The following CACNA1D variants were observed in gnomAD, a reference collection of about 807,000 sequenced individuals.
CACNA1D encodes the protein voltage-dependent L-type calcium channel subunit alpha-1D.
A neutral mutation model predicts 257.1 loss-of-function variants in CACNA1D; 55 were observed. The ratio of observed to expected loss-of-function variants is 0.21; its 90% CI spans 0.17 to 0.27. CACNA1D has a LOEUF of 0.27. CACNA1D is among the 10% of genes least tolerant of loss of function. The probability of loss-of-function intolerance (pLI) is 1.00; values close to 1 mark genes in which losing one functional copy is unlikely to be tolerated. For synonymous variants in CACNA1D, 980 were observed against 1,014.9 expected, an observed-to-expected ratio of 0.97 and a Z score of 0.65; for missense variants, 1,876 against 2,784.0, an observed-to-expected ratio of 0.67 and a Z score of 7.34.
At chr3:53,759,714 G>A (rs552203857) in intron 29 of CACNA1D, among the ~76,000 whole-genome samples, 3 of 152,374 alleles carry the variant, frequency 2.0e-5, no homozygotes, top group African/African-American at 7.2e-5. Flanking sequence ...TCAGAGAACT[G>A]CTTGTTATCC....
At chr3:53,543,050 C>T (rs2092334585) in intron 3 of CACNA1D, among the ~76,000 whole-genome samples, 1 of 141,914 alleles carries the variant, frequency 7.0e-6, no homozygotes, top group Non-Finnish European at 1.5e-5. Flanking sequence ...GAAACTCCGA[C>T]TACATGTACC....
chr3:53,809,874 C>G, intron 46 of CACNA1D, 104 bp from the exon 47 acceptor site: 3 of 1,013,286 alleles, frequency 3.0e-6, no homozygotes, highest in Non-Finnish European at 4.7e-6. Flanking sequence ...CTTGCCTGGA[C>G]TGCCCCTGGC....
At position 53,774,410 on chromosome 3, in the gene CACNA1D, C is replaced by A. The variant is rs979944620; in HGVS notation, c.4111-177C>A. 34 of 619,576 alleles carry A rather than the reference C, an allele frequency of 5.5e-5. No homozygotes were observed. Among genetic ancestry groups the A allele is most frequent in the African/African-American group, 1.8e-5 (1 of 54,722 alleles). The allele number at this position is 619,576 out of a possible 1,614,324, so 38.4% of individuals were successfully genotyped here. Reference sequence around the variant, plus strand: ...GGAGCACCACGTTCCCAGTGTGTAACCTGCTGCCTGGCACATGGTTGTGCC... The same window carrying A: ...GGAGCACCACGTTCCCAGTGTGTAAACTGCTGCCTGGCACATGGTTGTGCC... On this transcript the variant is annotated intron_variant, in intron 33 of 47. Coordinates refer to ENST00000350061, the MANE Select transcript of CACNA1D (RefSeq NM_001128840.3). This position sits in a 1 kb window ranked among gnomAD's most constrained non-coding sequence, Gnocchi z 4.3.
At chr3:53,512,703 G>GAC (rs1271175823) in intron 3 of CACNA1D, among the ~76,000 whole-genome samples, 4 of 152,190 alleles carry the variant, frequency 2.6e-5, no homozygotes, top group African/African-American at 9.7e-5. Flanking sequence ...CTGACCAAGG[G>GAC]ACAGGGTCTA....
At chr3:53,740,567 GTT>G (rs376943396) in intron 21 of CACNA1D, 2 of 372,310 alleles carry the variant, frequency 5.4e-6, no homozygotes, top group African/African-American at 2.2e-5. Flanking sequence ...TTTTTTATGG[GTT>G]TTTTTTTTGT....
intron 3 of CACNA1D, among the ~76,000 whole-genome samples, chr3:53,565,310 C>T (rs1164951220): frequency 6.6e-6 from 1 of 152,014 alleles, no homozygotes; most frequent in Non-Finnish European, 1.5e-5. Context: ...AGCAAGATTG[C>T]AGGATAATTT....
At chr3:53,620,164 C>G (rs756944513) in intron 3 of CACNA1D, among the ~76,000 whole-genome samples, 28 of 152,288 alleles carry the variant, frequency 1.8e-4, no homozygotes, top group Middle Eastern at 6.8e-3. Context: ...AGAGCCAGGA[C>G]AGGTGTCTAG....
intron 9 of CACNA1D, among the ~76,000 whole-genome samples, chr3:53,704,359 C>T (rs1432833610): frequency 6.6e-6 from 1 of 152,134 alleles, no homozygotes; most frequent in Non-Finnish European, 1.5e-5. Context: ...TTCTCTCCCT[C>T]CCTGCTTCTT....
intron 4 of CACNA1D, among the ~76,000 whole-genome samples, chr3:53,659,408 T>G (rs1284179569): frequency 6.6e-6 from 1 of 152,128 alleles, no homozygotes; most frequent in African/African-American, 2.4e-5. Context: ...AAGGTTGGGG[T>G]GTGTGTGTTA....
intron 19 of CACNA1D, among the ~76,000 whole-genome samples, chr3:53,733,982 A>G (rs7431052): frequency 1.5e-5 from 2 of 133,150 alleles, no homozygotes; most frequent in African/African-American, 5.8e-5. Context: ...ATGTATATAT[A>G]TATACATATA....
chr3:53,601,752 G>A (rs2093445403), intron 3 of CACNA1D, among the ~76,000 whole-genome samples: 1 of 152,084 alleles, frequency 6.6e-6, no homozygotes, highest in Admixed American at 6.5e-5. Flanking sequence ...CCAGGCTAGA[G>A]TGCAGAGGCA....
chr3:53,740,483 C>T (rs2095105626), intron 21 of CACNA1D, 144 bp downstream of exon 21: 1 of 706,212 alleles, frequency 1.4e-6, no homozygotes, highest in Non-Finnish European at 2.6e-6. Flanking sequence ...TTAAAGGTAA[C>T]AGGTTACCCG....
intron 9 of CACNA1D, among the ~76,000 whole-genome samples, chr3:53,709,772 T>C (rs991438432): frequency 2.6e-5 from 4 of 152,132 alleles, no homozygotes; most frequent in Non-Finnish European, 4.4e-5. Flanking sequence ...ACAGTAGTGG[T>C]GGTTGATTGT....
intron 9 of CACNA1D, among the ~76,000 whole-genome samples, chr3:53,704,986 T>C (rs1370599282): frequency 6.6e-6 from 1 of 152,192 alleles, no homozygotes; most frequent in East Asian, 1.9e-4. Flanking sequence ...TAAGGTGATA[T>C]CTTGAGGGTT....
intron 3 of CACNA1D, among the ~76,000 whole-genome samples, chr3:53,548,319 A>G (rs1026508626): frequency 4.6e-5 from 7 of 151,328 alleles, no homozygotes; most frequent in African/African-American, 1.7e-4. Flanking sequence ...CCAGAGTGCT[A>G]AAGCTGAATT....
intron 3 of CACNA1D, among the ~76,000 whole-genome samples, chr3:53,609,409 C>CAAAAAAA (rs33943272): frequency 6.3e-5 from 5 of 79,662 alleles, no homozygotes; most frequent in African/African-American, 5.0e-5. Flanking sequence ...GACTCTACCT[C>CAAAAAAA]AAAAAAAAAA....
In CACNA1D at chr3:53,781,681, A is replaced by G. The variant is rs1197906153; in HGVS notation, c.4792+14A>G. On this transcript the variant is annotated intron_variant, in intron 39 of 47. Transcript: ENST00000350061. ...CTCCAGCTGGTGGTCAGTGCAGTCT[A>G]TTTCCTAAGTAGTCCTTGGCCAGTG... 10 of 1,541,090 alleles carry G rather than the reference A, an allele frequency of 6.5e-6. No homozygotes were observed. The highest frequency in any genetic ancestry group is 2.2e-5 in the East Asian group (1 of 44,564).
At chr3:53,514,224 G>A (rs1298432494) in intron 3 of CACNA1D, among the ~76,000 whole-genome samples, 5 of 152,000 alleles carry the variant, frequency 3.3e-5, no homozygotes, top group Non-Finnish European at 7.4e-5. Flanking sequence ...ATTCACACCC[G>A]GACTTCTGAC....
At chr3:53,565,447 G>A (rs923783118) in intron 3 of CACNA1D, among the ~76,000 whole-genome samples, 2 of 152,132 alleles carry the variant, frequency 1.3e-5, no homozygotes, top group Non-Finnish European at 2.9e-5. Context: ...AATTTCATTT[G>A]AGTGGCTTGA....
Sources: gnomAD v4.1 joint callset for allele counts (sites outside exome capture counted in the v4.1 genomes callset) on GRCh38, gnomAD v4.1.1 for gene constraint, Gnocchi (gnomAD v3.1) non-coding constraint, MANE v1.5 for transcripts, NCBI Gene and HGNC (gene_info 2026-07-23, HGNC 2026-07-21) for gene names.